Variants in CCIN observed in about 807,000 individuals in gnomAD.
The protein encoded by CCIN is testis tissue sperm-binding protein Li 65n.
A neutral mutation model predicts 32.2 loss-of-function variants in CCIN; 15 were observed. That is an observed-to-expected ratio of 0.47 (90% CI 0.31 to 0.72). The LOEUF (loss-of-function observed/expected upper bound fraction) is 0.72. Ranked by LOEUF, CCIN falls within the 30% of genes least tolerant of loss-of-function variation. The pLI is 0.05. For synonymous variants in CCIN, 302 were observed against 297.4 expected (o/e 1.02, Z -0.16); for missense variants, 623 against 759.4 (o/e 0.82, Z 2.11).
rs1196295430 is a variant in CCIN at position 36,170,984 on chromosome 9, G to T, written c.1482G>T (p.Lys494Asn). 5 of 1,614,208 alleles carry T rather than the reference G, an allele frequency of 3.1e-6. No homozygotes were observed. The highest frequency in any genetic ancestry group is 8.5e-7 in the Non-Finnish European group (1 of 1,180,040). ...AGAGTGTGGAAATCAATCTGCAGAAGGTGAAGGCAAGCAAGACGACCACCT... is the reference window on the plus strand; with the variant it reads ...AGAGTGTGGAAATCAATCTGCAGAATGTGAAGGCAAGCAAGACGACCACCT... Reference protein sequence around the residue: ...HRQSVEINLQKVKASKTTTSV... With the variant: ...HRQSVEINLQNVKASKTTTSV... Residue 494 changes from lysine (K) to asparagine (N), a missense_variant, in exon 1 of 1, where the codon AAG becomes AAT. Coordinates refer to ENST00000335119, the MANE Select transcript of CCIN (RefSeq NM_005893.3).
At position 36,170,805 on chromosome 9, in the gene CCIN, G is replaced by A; in HGVS notation, c.1303G>A (p.Val435Met). 6.2e-7 allele frequency: 1 copy of A among 1,614,262 alleles called. No homozygotes were observed. The highest frequency in any genetic ancestry group is 8.5e-7 in the Non-Finnish European group (1 of 1,180,050). ...HLYIVTGRCL[V>M]KGYISRVGVV... Reference sequence around the variant, plus strand: ...GTACATTGTCACTGGACGGTGCTTGGTGAAAGGTTATATCTCCCGGGTCGG... The same window carrying A: ...GTACATTGTCACTGGACGGTGCTTGATGAAAGGTTATATCTCCCGGGTCGG... The change falls in exon 1 of 1, where the codon GTG becomes ATG. Residue 435 changes from valine (V) to methionine (M), a missense_variant. Val to Met is a conservative substitution (Grantham distance 21). Coordinates refer to ENST00000335119, the MANE Select transcript of CCIN (RefSeq NM_005893.3).
chr9:36,170,857 C>G lies in CCIN; in HGVS notation c.1355C>G (p.Thr452Ser), dbSNP rs780252878. 6.2e-7 allele frequency: 1 copy of G among 1,614,276 alleles called. No individual in the cohort carries two copies. Among genetic ancestry groups the G allele is most frequent in the Admixed American group, 1.7e-5 (1 of 60,034 alleles). Residue 452 changes from threonine (T) to serine (S), a missense_variant, in exon 1 of 1, where the codon ACT (threonine) becomes AGT (serine). By Grantham distance (58) the Thr-to-Ser change is moderately conservative. Transcript: ENST00000335119. The stretch of plus-strand genomic sequence containing the variant: ...GTAGTGGACTGCTTTGACACCAGCA[C>G]TGGGGACGTGGTCCAGTGTATCACC... ...VGVVDCFDTSTGDVVQCITFP... is the reference protein window; with the variant it reads ...VGVVDCFDTSSGDVVQCITFP...
At position 36,170,125 on chromosome 9, in the gene CCIN, G is replaced by A. The variant is rs373072358; in HGVS notation, c.623G>A (p.Arg208Gln). 6.0e-5 allele frequency: 97 copies of A among 1,614,072 alleles called. No individual in the cohort carries two copies. The highest frequency in any genetic ancestry group is 4.9e-4 in the Middle Eastern group (3 of 6,084). ...GCACTCATCAATTGGGTGTACTTCCGGAAGGAGGATCGGGAGAAGTATTTC... is the reference window on the plus strand; with the variant it reads ...GCACTCATCAATTGGGTGTACTTCCAGAAGGAGGATCGGGAGAAGTATTTC... ...LSALINWVYF[R>Q]KEDREKYFKK... is the part of the protein sequence containing the mutation. Residue 208 changes from arginine (R) to glutamine (Q), a missense_variant, in exon 1 of 1, where the codon CGG becomes CAG. Physicochemically the swap from Arg to Gln is conservative, Grantham distance 43. Coordinates refer to ENST00000335119, the MANE Select transcript of CCIN (RefSeq NM_005893.3).
rs760081396 is a variant in CCIN at position 36,170,687 on chromosome 9, C to T, written c.1185C>T (p.Arg395=). 10 of 1,614,274 alleles carry T rather than the reference C, an allele frequency of 6.2e-6. No homozygotes were observed. Among genetic ancestry groups the T allele is most frequent in the Non-Finnish European group, 8.5e-6 (10 of 1,180,056 alleles). Residue 395 remains arginine (R), a synonymous_variant, in exon 1 of 1, where the codon CGC becomes CGT. Transcript: ENST00000335119. ...GGCGGTATGTCTCCAACATCTATCGCTATGATGAGCGGAAGGAAGTCTGGT... is the reference window on the plus strand; with the variant it reads ...GGCGGTATGTCTCCAACATCTATCGTTATGATGAGCGGAAGGAAGTCTGGT... ...APRRYVSNIY[R]YDERKEVWCL... is the part of the protein sequence containing the mutation.
Position 36,169,473 on chromosome 9 carries a change from G to A in CCIN, c.-30G>A. ...GAAAGTCTGCTCTCCAGTACCTGCT[G>A]CTGATCTGTTTCAGCCGACAAGAGG... On this transcript the variant is annotated 5_prime_UTR_variant, in exon 1 of 1. Transcript: ENST00000335119. 6.2e-7 allele frequency: 1 copy of A among 1,610,690 alleles called. No homozygotes were observed. The highest frequency in any genetic ancestry group is 8.5e-7 in the Non-Finnish European group (1 of 1,177,236).
At position 36,170,664 on chromosome 9, in the gene CCIN, C is replaced by T. The variant is rs375029239; in HGVS notation, c.1162C>T (p.Arg388Trp). 1.4e-5 allele frequency: 23 copies of T among 1,614,118 alleles called. No homozygotes were observed. The highest frequency in any genetic ancestry group is 2.2e-5 in the East Asian group (1 of 44,902). The change falls in exon 1 of 1, where the codon CGG becomes TGG. Residue 388 changes from arginine (R) to tryptophan (W), a missense_variant. By Grantham distance (101) the Arg-to-Trp change is moderately radical. Transcript: ENST00000335119. ...AGTGGGCGGGAGCATTGCCCCAAGG[C>T]GGTATGTCTCCAACATCTATCGCTA... ...YSVGGSIAPR[R>W]YVSNIYRYDE...
In CCIN at chr9:36,170,862, G is replaced by A. The variant is rs1035403490; in HGVS notation, c.1360G>A (p.Asp454Asn). 6.2e-7 allele frequency: 1 copy of A among 1,614,252 alleles called. No homozygotes were observed. Among genetic ancestry groups the A allele is most frequent in the South Asian group, 1.1e-5 (1 of 91,088 alleles). Residue 454 changes from aspartate to asparagine, a missense_variant, in exon 1 of 1, where the codon GAC becomes AAC. Asp to Asn is a conservative substitution (Grantham distance 23). Transcript: ENST00000335119. The stretch of plus-strand genomic sequence containing the variant: ...GGACTGCTTTGACACCAGCACTGGG[G>A]ACGTGGTCCAGTGTATCACCTTCCC... Reference protein sequence around the residue: ...VVDCFDTSTGDVVQCITFPIE... With the variant: ...VVDCFDTSTGNVVQCITFPIE...
In CCIN at chr9:36,170,080, A is replaced by G. The variant is rs1826288846; in HGVS notation, c.578A>G (p.Asn193Ser). The G allele has an allele frequency of 1.9e-6, 3 of 1,614,224 alleles. No individual in the cohort carries two copies. The highest frequency in any genetic ancestry group is 1.1e-5 in the South Asian group (1 of 91,090). Residue 193 changes from asparagine (N) to serine (S), a missense_variant, in exon 1 of 1, where the codon AAT (asparagine) becomes AGT (serine). Physicochemically the swap from Asn to Ser is conservative, Grantham distance 46. Transcript: ENST00000335119. Reference sequence around the variant, plus strand: ...CGTGATGAAAACCTTCACGTGCTCAATGAAGACCAGGCGCTCAGCGCACTC... The same window carrying G: ...CGTGATGAAAACCTTCACGTGCTCAGTGAAGACCAGGCGCTCAGCGCACTC... ...LLRDENLHVL[N>S]EDQALSALIN...
In CCIN at chr9:36,170,228, C is replaced by A; in HGVS notation, c.726C>A (p.Gly242=). Residue 242 remains glycine, a synonymous_variant, in exon 1 of 1, where the codon GGC becomes GGA. Transcript: ENST00000335119. The part of the protein sequence containing the change: ...TLVFASNKLV[G]MENTSSHTTL... ...TGTTTGCCAGCAACAAGCTGGTGGG[C>A]ATGGAGAACACCTCATCCCATACAA... The A allele has an allele frequency of 6.2e-7, 1 of 1,614,142 alleles. No homozygotes were observed. Among genetic ancestry groups the A allele is most frequent in the Non-Finnish European group, 8.5e-7 (1 of 1,180,004 alleles).
Position 36,170,273 on chromosome 9 carries a change from G to A in CCIN, c.771G>A (p.Leu257=), listed in dbSNP as rs766215135. The A allele has an allele frequency of 1.2e-6, 2 of 1,614,150 alleles. No individual in the cohort carries two copies. Among genetic ancestry groups the A allele is most frequent in the South Asian group, 2.2e-5 (2 of 91,084 alleles). The stretch of plus-strand genomic sequence containing the variant: ...ATACAACCCTGATTGAGAGTGTCCT[G>A]ATGGACCGCAAGCAGGAGCGGCCAT... ...SSHTTLIESV[L]MDRKQERPCS... is the part of the protein sequence containing the mutation. The change falls in exon 1 of 1, where the codon CTG becomes CTA. Residue 257 remains leucine, a synonymous_variant. Coordinates refer to ENST00000335119, the MANE Select transcript of CCIN (RefSeq NM_005893.3).
rs758220187 is a variant in CCIN at position 36,170,622 on chromosome 9, G to A, written c.1120G>A (p.Gly374Arg). 6.2e-7 allele frequency: 1 copy of A among 1,613,958 alleles called. No individual in the cohort carries two copies. The highest frequency in any genetic ancestry group is 8.5e-7 in the Non-Finnish European group (1 of 1,180,004). Residue 374 changes from glycine to arginine, a missense_variant, in exon 1 of 1, where the codon GGG becomes AGG. Physicochemically the swap from Gly to Arg is moderately radical, Grantham distance 125 (BLOSUM62 -2). Coordinates refer to ENST00000335119, the MANE Select transcript of CCIN (RefSeq NM_005893.3). ...GLVFHTMVTC[G>R]GTVYSVGGSI... ...TGTCTTCCACACCATGGTGACCTGT[G>A]GGGGGACAGTGTACTCAGTGGGCGG...
At position 36,170,438 on chromosome 9, in the gene CCIN, C is replaced by T; in HGVS notation, c.936C>T (p.Asp312=). The T allele has an allele frequency of 6.2e-7, 1 of 1,614,148 alleles. No individual in the cohort carries two copies. The highest frequency in any genetic ancestry group is 8.5e-7 in the Non-Finnish European group (1 of 1,180,056). ...IQENLWMKLS[D]MPYRAAALSA... ...AGAACCTGTGGATGAAGCTCTCAGA[C>T]ATGCCCTATCGGGCAGCAGCACTTA... Residue 312 remains aspartate, a synonymous_variant, in exon 1 of 1, where the codon GAC becomes GAT. Transcript: ENST00000335119.
chr9:36,170,116 T>C lies in CCIN; in HGVS notation c.614T>C (p.Val205Ala), dbSNP rs1211929558. The change falls in exon 1 of 1, where the codon GTG becomes GCG. Residue 205 changes from valine (V) to alanine (A), a missense_variant. Coordinates refer to ENST00000335119, the MANE Select transcript of CCIN (RefSeq NM_005893.3). ...GCGCTCAGCGCACTCATCAATTGGG[T>C]GTACTTCCGGAAGGAGGATCGGGAG... ...DQALSALINW[V>A]YFRKEDREKY... 2.5e-6 allele frequency: 4 copies of C among 1,614,058 alleles called. No homozygotes were observed. The highest frequency in any genetic ancestry group is 2.5e-6 in the Non-Finnish European group (3 of 1,180,050).
rs748253068 is a variant in CCIN at position 36,169,721 on chromosome 9, C to T, written c.219C>T (p.Asp73=). 2 of 1,614,214 alleles carry T rather than the reference C, an allele frequency of 1.2e-6. No individual in the cohort carries two copies. Among genetic ancestry groups the T allele is most frequent in the Admixed American group, 1.7e-5 (1 of 60,020 alleles). Reference sequence around the variant, plus strand: ...CTGATGAGCTTTTCATCACCATTGACACCAGTTACCTGAGCCCGGTCACAG... The same window carrying T: ...CTGATGAGCTTTTCATCACCATTGATACCAGTTACCTGAGCCCGGTCACAG... The part of the protein sequence containing the change: ...KTADELFITI[D]TSYLSPVTVD... Residue 73 remains aspartate, a synonymous_variant, in exon 1 of 1, where the codon GAC becomes GAT. Transcript: ENST00000335119.
In CCIN at chr9:36,171,298, C is replaced by A. The variant is rs1258663878; in HGVS notation, c.*29C>A. ...TTTTAAGTGGGAGAATAAGTAAATGCATTATTATTCACGATTTAATGAGAG... is the reference window on the plus strand; with the variant it reads ...TTTTAAGTGGGAGAATAAGTAAATGAATTATTATTCACGATTTAATGAGAG... On this transcript the variant is annotated 3_prime_UTR_variant, in exon 1 of 1. Transcript: ENST00000335119. 3.1e-6 allele frequency: 5 copies of A among 1,589,932 alleles called. No individual in the cohort carries two copies. The highest frequency in any genetic ancestry group is 4.3e-6 in the Non-Finnish European group (5 of 1,166,764).
At position 36,170,262 on chromosome 9, in the gene CCIN, G is replaced by T. The variant is rs1587174814; in HGVS notation, c.760G>T (p.Glu254Ter). Residue 254 changes from glutamate to a stop codon, truncating the protein, a stop_gained, in exon 1 of 1, where the codon GAG becomes TAG. Transcript: ENST00000335119. LOFTEE classifies it high-confidence loss of function. ...ENTSSHTTLI[E>*]SVLMDRKQER... ...CACCTCATCCCATACAACCCTGATT[G>T]AGAGTGTCCTGATGGACCGCAAGCA... 6.2e-7 allele frequency: 1 copy of T among 1,614,142 alleles called. No individual in the cohort carries two copies. Among genetic ancestry groups the T allele is most frequent in the South Asian group, 1.1e-5 (1 of 91,070 alleles).
rs1826306894 is a variant in CCIN, at chr9:36,170,925, C to T, written c.1423C>T (p.Gln475Ter). 1 of 1,614,108 alleles carries T rather than the reference C, an allele frequency of 6.2e-7. No homozygotes were observed. The highest frequency in any genetic ancestry group is 8.5e-7 in the Non-Finnish European group (1 of 1,180,044). Residue 475 changes from glutamine (Q) to a stop codon, truncating the protein, a stop_gained, in exon 1 of 1, where the codon CAG (glutamine) becomes TAG (stop). Transcript: ENST00000335119. LOFTEE classifies it high-confidence loss of function. ...FNHRPLLSFQ[Q>*]DNILCVHSHR... The stretch of plus-strand genomic sequence containing the variant: ...CCATCGGCCCCTGCTCTCTTTCCAA[C>T]AGGACAACATCCTCTGCGTGCACAG...
Position 36,169,589 on chromosome 9 carries a change from C to T in CCIN, c.87C>T (p.Asp29=), listed in dbSNP as rs753323143. Residue 29 remains aspartate (D), a synonymous_variant, in exon 1 of 1, where the codon GAC becomes GAT. Transcript: ENST00000335119. ...NRQRKRKEYW[D]MALSVDNHVF... ...AGAGGAAACGCAAAGAGTACTGGGA[C>T]ATGGCCCTGAGTGTGGACAACCACG... is the stretch of plus-strand genomic sequence containing the variant. The T allele has an allele frequency of 4.6e-5, 74 of 1,614,122 alleles. No homozygotes were observed. Among genetic ancestry groups the T allele is most frequent in the Non-Finnish European group, 5.9e-5 (70 of 1,180,044 alleles).
Position 36,170,577 on chromosome 9 carries a change from C to G in CCIN, c.1075C>G (p.Pro359Ala), listed in dbSNP as rs1826298618. 1.9e-6 allele frequency: 3 copies of G among 1,613,922 alleles called. No individual in the cohort carries two copies. Among genetic ancestry groups the G allele is most frequent in the Non-Finnish European group, 2.5e-6 (3 of 1,179,998 alleles). The change falls in exon 1 of 1, where the codon CCT becomes GCT. Residue 359 changes from proline (P) to alanine (A), a missense_variant. Pro to Ala is a conservative substitution (Grantham distance 27). Transcript: ENST00000335119. The stretch of plus-strand genomic sequence containing the variant: ...GGATGACAACTCCTGGACCAAGTTG[C>G]CTGACCTGCCCATCGGGCTTGTCTT... ...DMDDNSWTKL[P>A]DLPIGLVFHT...
Sources: gnomAD v4.1 joint callset for allele counts on GRCh38, gnomAD v4.1.1 for gene constraint, MANE v1.5 for transcripts, NCBI Gene and HGNC (gene_info 2026-07-23, HGNC 2026-07-21) for gene names.